Variants in MMUT observed in about 807,000 individuals in gnomAD.
MMUT encodes the protein methylmalonyl-CoA mutase, also known as methylmalonyl-CoA mutase, mitochondrial.
Under a neutral mutation model 79.9 loss-of-function variants are expected in MMUT, and 79 were observed. That is an observed-to-expected ratio of 0.99 (90% CI 0.82 to 1.19). The LOEUF (loss-of-function observed/expected upper bound fraction) is 1.19. MMUT is among the 50% of genes most tolerant of loss of function. The pLI, the probability that MMUT is intolerant of heterozygous loss-of-function variation, is 0.00. For synonymous variants in MMUT, 273 were observed against 295.7 expected (o/e 0.92, Z 0.79); for missense variants, 860 against 917.2 (o/e 0.94, Z 0.81).
chr6:49,447,563 C>T (rs1444013109), intron 8 of MMUT, 107 bp downstream of exon 8: 1 of 685,066 alleles, frequency 1.5e-6, no homozygotes, highest in African/African-American at 1.8e-5. Flanking sequence ...TAATACACAC[C>T]TCATGCTGTT....
chr6:49,454,120 C>A (rs1018112717), intron 4 of MMUT, among the ~76,000 whole-genome samples: 4 of 152,082 alleles, frequency 2.6e-5, no homozygotes, highest in African/African-American at 9.7e-5. Context: ...AATAAAACAG[C>A]AAATTTGCTT....
In MMUT at chr6:49,459,471, G is replaced by A. The variant is rs944280205; in HGVS notation, c.-5C>T. 1 of 1,609,362 alleles carries A rather than the reference G, an allele frequency of 6.2e-7. No individual in the cohort carries two copies. The highest frequency in any genetic ancestry group is 8.5e-7 in the Non-Finnish European group (1 of 1,179,940). On this transcript the variant is annotated 5_prime_UTR_variant, in exon 2 of 13. Transcript: ENST00000274813. ...CTGATTCTTAGCTCTTAACATGGTG[G>A]AGCATGGAAACACCCAATAGAAATA...
chr6:49,432,026 C>T (rs1049309853), intron 12 of MMUT, among the ~76,000 whole-genome samples, 170 bp from the exon 13 acceptor site: 8 of 152,176 alleles, frequency 5.3e-5, no homozygotes, highest in African/African-American at 1.9e-4. Flanking sequence ...TACTAATAGT[C>T]ATCAGCACCA....
chr6:49,454,691 A>T (rs1001971409), intron 4 of MMUT, among the ~76,000 whole-genome samples: 3 of 152,238 alleles, frequency 2.0e-5, no homozygotes, highest in African/African-American at 7.2e-5. Flanking sequence ...TGAAAATTCC[A>T]AAGAATTTAT....
chr6:49,435,035 T>G (rs957614839), intron 12 of MMUT, among the ~76,000 whole-genome samples: 9 of 152,158 alleles, frequency 5.9e-5, no homozygotes, highest in African/African-American at 1.9e-4. Context: ...AAGGACTCAT[T>G]CCACCCCCCA....
intron 9 of MMUT, among the ~76,000 whole-genome samples, chr6:49,442,321 G>A (rs1342801693): frequency 1.3e-5 from 2 of 151,994 alleles, no homozygotes; most frequent in African/African-American, 4.8e-5. Flanking sequence ...TTTTTGATAA[G>A]AAGTAAATCT....
intron 8 of MMUT, among the ~76,000 whole-genome samples, chr6:49,445,334 TA>T (rs1767384394): frequency 6.6e-6 from 1 of 152,124 alleles, no homozygotes; most frequent in South Asian, 2.1e-4. Flanking sequence ...GCTCTGCCAA[TA>T]ATTTGTCAAA....
chr6:49,457,678 C>A lies in MMUT; in HGVS notation c.753+13G>T. ...GGAACTATAGAAAAACCTATAATAA[C>A]CACAAAGTATACCTTTGCTGTATAT... On this transcript the variant is annotated intron_variant, in intron 3 of 12. Coordinates refer to ENST00000274813, the MANE Select transcript of MMUT (RefSeq NM_000255.4). The A allele has an allele frequency of 1.2e-6, 2 of 1,603,864 alleles. No homozygotes were observed. The highest frequency in any genetic ancestry group is 1.7e-6 in the Non-Finnish European group (2 of 1,176,610).
In MMUT at chr6:49,459,375, C is replaced by T. The variant is rs1220835332; in HGVS notation, c.92G>A (p.Arg31Gln). The T allele has an allele frequency of 8.7e-6, 14 of 1,613,564 alleles. No homozygotes were observed. Among genetic ancestry groups the T allele is most frequent in the Admixed American group, 1.7e-5 (1 of 59,922 alleles). Residue 31 changes from arginine to glutamine, a missense_variant, in exon 2 of 13, where the codon CGA becomes CAA. Arg to Gln is a conservative substitution (Grantham distance 43, BLOSUM62 1). Coordinates refer to ENST00000274813, the MANE Select transcript of MMUT (RefSeq NM_000255.4). ...ESSGSRLIQQRLLHQQQPLHP... is the reference protein window; with the variant it reads ...ESSGSRLIQQQLLHQQQPLHP... ...AAGGGGCTGTTGCTGGTGTAGAAGT[C>T]GTTGCTGTATGAGCCTGGAGCCTGA...
intron 4 of MMUT, 113 bp downstream of exon 4, chr6:49,455,967 A>C: frequency 1.0e-6 from 1 of 977,622 alleles, no homozygotes; most frequent in Admixed American, 2.4e-5. Flanking sequence ...ATAAAATATA[A>C]GAAAATCTAA....
At chr6:49,456,910 T>C (rs957230921) in intron 3 of MMUT, among the ~76,000 whole-genome samples, 18 of 152,138 alleles carry the variant, frequency 1.2e-4, no homozygotes, top group African/African-American at 4.3e-4. Context: ...CCCTAAAATT[T>C]CATGTTAGGT....
At chr6:49,455,091 T>A (rs1475882262) in intron 4 of MMUT, among the ~76,000 whole-genome samples, 1 of 151,996 alleles carries the variant, frequency 6.6e-6, no homozygotes, top group East Asian at 1.9e-4. Context: ...CATGTTAACA[T>A]TAGTAACATT....
chr6:49,451,246 ATACTT>A (rs1767543078), intron 6 of MMUT, among the ~76,000 whole-genome samples: 1 of 152,210 alleles, frequency 6.6e-6, no homozygotes. Context: ...TTTTAATAAA[ATACTT>A]TAATAGAAAT....
chr6:49,450,199 C>G (rs1218181400), intron 6 of MMUT, among the ~76,000 whole-genome samples: 3 of 149,744 alleles, frequency 2.0e-5, no homozygotes, highest in Admixed American at 6.7e-5. Context: ...CCACTGCACT[C>G]CAGCCTGGTG....
rs759790687 is a variant in MMUT at position 49,444,632 on chromosome 6, TCTTCACCTTGCC to T, written c.1671_1676+6del. The T allele has an allele frequency of 6.2e-7, 1 of 1,609,652 alleles. No homozygotes were observed. Among genetic ancestry groups the T allele is most frequent in the African/African-American group, 1.3e-5 (1 of 74,770 alleles). ...CTTTGGAAACCTCCAAACTTATATA[TCTTCACCTTGCC>T]CGAGATGCATCCACTGCAAGAGCCA... On this transcript the variant is annotated splice_donor_variant and splice_donor_5th_base_variant and coding_sequence_variant and intron_variant, in exon 9 of 13. Transcript: ENST00000274813. LOFTEE classifies it high-confidence loss of function.
At chr6:49,458,256 T>A (rs1767746913) in intron 2 of MMUT, among the ~76,000 whole-genome samples, 198 bp from the exon 3 acceptor site, 1 of 152,168 alleles carries the variant, frequency 6.6e-6, no homozygotes. Flanking sequence ...GTTTCCCTTG[T>A]GCCAAAATGC....
intron 4 of MMUT, among the ~76,000 whole-genome samples, chr6:49,454,896 C>T (rs1767648403): frequency 6.6e-6 from 1 of 151,930 alleles, no homozygotes; most frequent in Non-Finnish European, 1.5e-5. Context: ...AAACTTAAAA[C>T]TTAGCCAGGT....
At position 49,444,692 on chromosome 6, in the gene MMUT, A is replaced by G. The variant is rs770086093; in HGVS notation, c.1623T>C (p.Ala541=). The stretch of plus-strand genomic sequence containing the variant: ...CCAGGATATTTCCATCTCCGCTAGC[A>G]GCACATTCGGTTAGTGCAGCAAGAC... ...ERCLAALTEC[A]ASGDGNILAL... The change falls in exon 9 of 13, where the codon GCT becomes GCC. Residue 541 remains alanine, a synonymous_variant. Coordinates refer to ENST00000274813, the MANE Select transcript of MMUT (RefSeq NM_000255.4). 6.2e-7 allele frequency: 1 copy of G among 1,613,424 alleles called. No homozygotes were observed. Among genetic ancestry groups the G allele is most frequent in the African/African-American group, 1.3e-5 (1 of 74,872 alleles).
At position 49,440,487 on chromosome 6, in the gene MMUT, TG is replaced by T. The variant is rs1042380782; in HGVS notation, c.1809-135del. 109 of 1,007,762 alleles carry T rather than the reference TG, an allele frequency of 1.1e-4. No individual in the cohort carries two copies. The African/African-American group carries it at 1.3e-3, about 12-fold the overall frequency. The allele number at this position is 1,007,762 out of a possible 1,614,324, so 62.4% of individuals were successfully genotyped here. A position where few individuals can be genotyped will look rare whatever the true frequency, so the allele number is the denominator to read the frequency against. ...TAATTTGTTTACTTGTATTTTGGGT[TG>T]TTTTTTTTTTCCAATTTTTATTTTA... On this transcript the variant is annotated intron_variant, in intron 10 of 12. Coordinates refer to ENST00000274813, the MANE Select transcript of MMUT (RefSeq NM_000255.4).
Sources: allele counts gnomAD v4.1 joint callset (sites outside exome capture counted in the v4.1 genomes callset), GRCh38; gene constraint gnomAD v4.1.1; transcripts MANE v1.5; gene names NCBI Gene and HGNC (gene_info 2026-07-23, HGNC 2026-07-21).